SIKE1: variants seen among roughly 807,000 people sequenced by gnomAD.
SIKE1 encodes the protein suppressor of IKBKE 1, also known as suppressor of IKK epsilon.
Under a neutral mutation model 25.8 loss-of-function variants are expected in SIKE1, and 13 were observed. The ratio of observed to expected loss-of-function variants is 0.50; its 90% CI spans 0.33 to 0.80. The LOEUF (loss-of-function observed/expected upper bound fraction) is 0.80, where lower values mean the gene tolerates loss of function less well. Ranked by LOEUF, SIKE1 falls within the 30% of genes least tolerant of loss-of-function variation. SIKE1 has a pLI of 0.02. For missense variants in SIKE1, 222 were observed against 252.4 expected, an observed-to-expected ratio of 0.88 and a Z score of 0.82; for synonymous variants, 86 against 95.5, an observed-to-expected ratio of 0.90 and a Z score of 0.58.
At chr1:114,774,407 T>C in intron 4 of SIKE1, 35 bp from the exon 5 acceptor site, 1 of 1,453,114 alleles carries the variant, frequency 6.9e-7, no homozygotes, top group East Asian at 2.4e-5. Flanking sequence ...TTCTGGTATT[T>C]TTACTGTCCA....
chr1:114,770,691 CAA>C lies in SIKE1; in HGVS notation c.*3578_*3579del, dbSNP rs887401533. ...CACAGGAGTTAGGATACTGGGCAGC[CAA>C]AAGAGAAATGACAGATGTCTGCTAC... On this transcript the variant is annotated 3_prime_UTR_variant, in exon 5 of 5. Coordinates refer to ENST00000060969, the MANE Select transcript of SIKE1 (RefSeq NM_025073.3). The C allele has an allele frequency of 4.6e-5, 7 of 152,172 alleles. No homozygotes were observed. Among genetic ancestry groups the C allele is most frequent in the African/African-American group, 1.7e-4 (7 of 41,426 alleles). The allele number at this position is 152,172 out of a possible 1,614,324, so 9.4% of individuals were successfully genotyped here. A position where few individuals can be genotyped will look rare whatever the true frequency, so the allele number is the denominator to read the frequency against.
chr1:114,779,594 T>C (rs1008107688), intron 2 of SIKE1, among the ~76,000 whole-genome samples: 4 of 152,210 alleles, frequency 2.6e-5, no homozygotes, highest in Admixed American at 1.3e-4. Context: ...ATTTCTTAAC[T>C]GCATTGTGGT....
At chr1:114,777,395 TTC>T (rs1446607011) in intron 3 of SIKE1, among the ~76,000 whole-genome samples, 1 of 152,202 alleles carries the variant, frequency 6.6e-6, no homozygotes, top group Admixed American at 6.5e-5. Context: ...AGAATGCATT[TTC>T]TGTTTTCGCT....
chr1:114,779,361 T>C (rs148720019), intron 2 of SIKE1, 77 bp from the exon 3 acceptor site: 217 of 1,408,758 alleles, frequency 1.5e-4, no homozygotes, highest in Non-Finnish European at 2.1e-4. Flanking sequence ...AGTTGGAATT[T>C]TGTAACACTA....
rs1254083768 is a variant in SIKE1 at position 114,772,268 on chromosome 1, AT to A, written c.*2002del. 4 of 152,184 alleles carry A rather than the reference AT, an allele frequency of 2.6e-5. No individual in the cohort carries two copies. The highest frequency in any genetic ancestry group is 9.7e-5 in the African/African-American group (4 of 41,436). The allele number at this position is 152,184 out of a possible 1,614,324, so 9.4% of individuals were successfully genotyped here. The stretch of plus-strand genomic sequence containing the variant: ...AATGCAGTTTTTGTTAGAAAATATA[AT>A]TTTGAACTAAGATTTTTGCAAACCA... On this transcript the variant is annotated 3_prime_UTR_variant, in exon 5 of 5. Transcript: ENST00000060969.
Position 114,774,170 on chromosome 1 carries a change from A to T in SIKE1, c.*101T>A. 2 of 871,150 alleles carry T rather than the reference A, an allele frequency of 2.3e-6. No individual in the cohort carries two copies. Among genetic ancestry groups the T allele is most frequent in the Non-Finnish European group, 1.8e-6 (1 of 564,952 alleles). 54.0% of individuals were successfully genotyped at this position (871,150 alleles called of 1,614,324 possible). ...CCACCTGATACCTTTAATTAAGATT[A>T]AATCAAATCTGAGGCAAGACACTTA... On this transcript the variant is annotated 3_prime_UTR_variant, in exon 5 of 5. Coordinates refer to ENST00000060969, the MANE Select transcript of SIKE1 (RefSeq NM_025073.3).
rs1201477439 is a variant in SIKE1, at chr1:114,774,341, G to A, written c.554C>T (p.Ser185Phe). The A allele has an allele frequency of 3.1e-6, 5 of 1,610,358 alleles. No homozygotes were observed. The African/African-American group carries it at 6.7e-5, about 22-fold the overall frequency. Reference protein sequence around the residue: ...LENKELRELLSISSESLQARK... With the variant: ...LENKELRELLFISSESLQARK... Reference sequence around the variant, plus strand: ...GGCTTGAAGAGACTCACTGCTGATGGACAATAATTCTCGAAGTTCCTTATT... The same window carrying A: ...GGCTTGAAGAGACTCACTGCTGATGAACAATAATTCTCGAAGTTCCTTATT... Residue 185 changes from serine (S) to phenylalanine (F), a missense_variant, in exon 5 of 5, where the codon TCC (serine) becomes TTC (phenylalanine). Ser to Phe is a radical substitution (Grantham distance 155). Transcript: ENST00000060969.
chr1:114,775,476 A>G (rs1167940608), intron 4 of SIKE1, among the ~76,000 whole-genome samples: 1 of 149,334 alleles, frequency 6.7e-6, no homozygotes, highest in Non-Finnish European at 1.5e-5. Flanking sequence ...AATAAGCAGC[A>G]TTCAAACCAT....
chr1:114,778,989 A>G, intron 3 of SIKE1, 153 bp downstream of exon 3: 1 of 834,004 alleles, frequency 1.2e-6, no homozygotes, highest in East Asian at 2.6e-5. Context: ...CCCAGGAGGC[A>G]GAGGTTGCAG....
At position 114,780,623 on chromosome 1, in the gene SIKE1, C is replaced by G; in HGVS notation, c.-16G>C. On this transcript the variant is annotated 5_prime_UTR_variant, in exon 1 of 5. Transcript: ENST00000060969. ...TGCAGCTCATAGCAGCAGCACCACC[C>G]CAGCCCCTGCCGGGCTCAGCTACGC... 6.3e-7 allele frequency: 1 copy of G among 1,589,360 alleles called. No homozygotes were observed. Among genetic ancestry groups the G allele is most frequent in the Non-Finnish European group, 8.6e-7 (1 of 1,165,562 alleles).
chr1:114,774,249 C>A lies in SIKE1; in HGVS notation c.*22G>T. ...AACTTCCTTCCTTGATAGACAATCT[C>A]CAGCCATCATTCAGAGTTCAGTTAT... On this transcript the variant is annotated 3_prime_UTR_variant, in exon 5 of 5. Transcript: ENST00000060969. 1 of 1,567,440 alleles carries A rather than the reference C, an allele frequency of 6.4e-7. No individual in the cohort carries two copies. The highest frequency in any genetic ancestry group is 8.8e-7 in the Non-Finnish European group (1 of 1,140,208).
rs1170220485 is a variant in SIKE1, at chr1:114,780,454, C to G, written c.154G>C (p.Asp52His). The G allele has an allele frequency of 1.2e-6, 2 of 1,612,950 alleles. No individual in the cohort carries two copies. The highest frequency in any genetic ancestry group is 1.7e-6 in the Non-Finnish European group (2 of 1,180,030). The stretch of plus-strand genomic sequence containing the variant: ...ACTCCTACCCTCTGCCTGACCTGGT[C>G]CGGAAGCGCTGTCCCCGCCTCCCGC... ...AMREAGTALP[D>H]QYQEDASDMK... The change falls in exon 1 of 5, where the codon GAC becomes CAC. Residue 52 changes from aspartate (D) to histidine (H), a missense_variant. Coordinates refer to ENST00000060969, the MANE Select transcript of SIKE1 (RefSeq NM_025073.3).
At chr1:114,775,220 C>G (rs1397818903) in intron 4 of SIKE1, among the ~76,000 whole-genome samples, 4 of 152,108 alleles carry the variant, frequency 2.6e-5, no homozygotes, top group Admixed American at 2.6e-4. Context: ...CTCTGGTAAA[C>G]CAAAGCATTT....
intron 3 of SIKE1, 115 bp downstream of exon 3, chr1:114,779,027 G>C (rs1047468799): frequency 7.8e-7 from 1 of 1,277,708 alleles, no homozygotes; most frequent in East Asian, 2.3e-5. Flanking sequence ...ATTACACCAC[G>C]GCCTGGTCGA....
In SIKE1 at chr1:114,769,708, G is replaced by C. The variant is rs1413943491; in HGVS notation, c.*4563C>G. ...GAAAACTATAAAATAAGTCACTTTAGGGATACATATGTATTTTAGGTCTTT... is the reference window on the plus strand; with the variant it reads ...GAAAACTATAAAATAAGTCACTTTACGGATACATATGTATTTTAGGTCTTT... On this transcript the variant is annotated 3_prime_UTR_variant, in exon 5 of 5. Transcript: ENST00000060969. 1 of 151,992 alleles carries C rather than the reference G, an allele frequency of 6.6e-6. No individual in the cohort carries two copies. The highest frequency in any genetic ancestry group is 1.5e-5 in the Non-Finnish European group (1 of 68,008). The allele number at this position is 151,992 out of a possible 1,614,324, so 9.4% of individuals were successfully genotyped here.
In SIKE1 at chr1:114,776,369, G is replaced by A. The variant is rs1662238407; in HGVS notation, c.499C>T (p.Gln167Ter). ...QVDDDQFCKI[Q>*]EKLAQLELEN... ...ACCTCTAATTGGGCTAATTTTTCCT[G>A]AATCTTACAAAACTGGTCATCATCC... Residue 167 changes from glutamine to a stop codon, truncating the protein, a stop_gained, in exon 4 of 5, where the codon CAG becomes TAG. Transcript: ENST00000060969. LOFTEE classifies it high-confidence loss of function. 1.2e-6 allele frequency: 2 copies of A among 1,612,264 alleles called. No homozygotes were observed. The highest frequency in any genetic ancestry group is 1.7e-6 in the Non-Finnish European group (2 of 1,178,674).
In SIKE1 at chr1:114,772,563, G is replaced by A. The variant is rs1662097869; in HGVS notation, c.*1708C>T. On this transcript the variant is annotated 3_prime_UTR_variant, in exon 5 of 5. Coordinates refer to ENST00000060969, the MANE Select transcript of SIKE1 (RefSeq NM_025073.3). Reference sequence around the variant, plus strand: ...CTAAAGGAACATAAAGCACATAAAGGGACACCATATTATACCTTGATTTGA... The same window carrying A: ...CTAAAGGAACATAAAGCACATAAAGAGACACCATATTATACCTTGATTTGA... 6 of 152,054 alleles carry A rather than the reference G, an allele frequency of 3.9e-5. No individual in the cohort carries two copies. The highest frequency in any genetic ancestry group is 2.6e-4 in the Admixed American group (4 of 15,246). The allele number at this position is 152,054 out of a possible 1,614,324, so 9.4% of individuals were successfully genotyped here. A position where few individuals can be genotyped will look rare whatever the true frequency, so the allele number is the denominator to read the frequency against.
intron 1 of SIKE1, 105 bp from the exon 2 acceptor site, chr1:114,780,320 C>T: frequency 6.3e-7 from 1 of 1,581,914 alleles, no homozygotes; most frequent in Non-Finnish European, 8.7e-7. Flanking sequence ...AGCCCCGACC[C>T]AGGAAAATGG....
At position 114,770,919 on chromosome 1, in the gene SIKE1, G is replaced by A. The variant is rs1272815966; in HGVS notation, c.*3352C>T. On this transcript the variant is annotated 3_prime_UTR_variant, in exon 5 of 5. Transcript: ENST00000060969. ...AGCTATGTACCCTGCTTTCTTTGCA[G>A]GTACCAGTGGCCATTTAACTGGTCA... The A allele has an allele frequency of 6.6e-6, 1 of 152,252 alleles. No homozygotes were observed. The highest frequency in any genetic ancestry group is 1.9e-4 in the East Asian group (1 of 5,200). The allele number at this position is 152,252 out of a possible 1,614,324, so 9.4% of individuals were successfully genotyped here.
Sources: allele counts gnomAD v4.1 joint callset (sites outside exome capture counted in the v4.1 genomes callset), GRCh38; gene constraint gnomAD v4.1.1; transcripts MANE v1.5; gene names NCBI Gene and HGNC (gene_info 2026-07-23, HGNC 2026-07-21).